Variants in ABI1 observed in about 807,000 individuals in gnomAD.
ABI1 encodes Abelson interactor 1.
In ABI1, 14 loss-of-function variants were observed where a neutral mutation model predicts 54.6. The ratio of observed to expected loss-of-function variants is 0.26; its 90% CI spans 0.17 to 0.40. The LOEUF is 0.40. ABI1 is among the 10% of genes least tolerant of loss of function. ABI1 has a pLI of 1.00. For synonymous variants in ABI1, 194 were observed against 209.3 expected, an observed-to-expected ratio of 0.93 and a Z score of 0.63; for missense variants, 443 against 598.3, an observed-to-expected ratio of 0.74 and a Z score of 2.71.
chr10:26,824,581 C>T lies in ABI1; in HGVS notation c.118-1276G>A, dbSNP rs76385199. On this transcript the variant is annotated intron_variant, in intron 1 of 10. Coordinates refer to ENST00000376140, the MANE Select transcript of ABI1 (RefSeq NM_001012750.3). ...TCAAGGAATTTCTCTGTTACCATGA[C>T]TCCATGATCTCCAGAATATTGCTAA... is the stretch of plus-strand genomic sequence containing the variant. Among the ~76,000 whole-genome samples, 917 of 151,682 alleles carry T rather than the reference C, an allele frequency of 6.0e-3. 17 individuals are homozygous for T. The highest frequency in any genetic ancestry group is 0.033 in the East Asian group (169 of 5,144).
At chr10:26,787,628 A>G (rs1462805548) in intron 2 of ABI1, among the ~76,000 whole-genome samples, 1 of 152,220 alleles carries the variant, frequency 6.6e-6, no homozygotes, top group Non-Finnish European at 1.5e-5. Flanking sequence ...AACAGCATGC[A>G]TATGTTCACC....
At chr10:26,795,295 A>G (rs1844013732) in intron 2 of ABI1, among the ~76,000 whole-genome samples, 1 of 152,228 alleles carries the variant, frequency 6.6e-6, no homozygotes, top group South Asian at 2.1e-4. Context: ...AGACATCTCA[A>G]TGACAATATT....
At chr10:26,857,305 A>G (rs1032769806) in intron 1 of ABI1, among the ~76,000 whole-genome samples, 2 of 130,808 alleles carry the variant, frequency 1.5e-5, no homozygotes, top group African/African-American at 5.5e-5. Flanking sequence ...CAGGCAATAG[A>G]GCGAGACTCC....
intron 2 of ABI1, among the ~76,000 whole-genome samples, chr10:26,802,701 A>T (rs2046640360): frequency 6.6e-6 from 1 of 152,168 alleles, no homozygotes; most frequent in Non-Finnish European, 1.5e-5. Context: ...GGTGGGAGAG[A>T]TTACAACAAT....
intron 9 of ABI1, among the ~76,000 whole-genome samples, chr10:26,754,909 T>C (rs1254454116): frequency 1.3e-5 from 2 of 151,904 alleles, no homozygotes; most frequent in African/African-American, 4.8e-5. Flanking sequence ...AACTAGTCTA[T>C]CCTGATTAAA....
At chr10:26,765,363 T>C in intron 6 of ABI1, 45 bp from the exon 7 acceptor site, 11 of 1,403,854 alleles carry the variant, frequency 7.8e-6, no homozygotes, top group Non-Finnish European at 9.7e-6. Flanking sequence ...TCTAGAGACA[T>C]ATTTAAAAAA....
At chr10:26,809,531 C>A (rs2047091400) in intron 2 of ABI1, among the ~76,000 whole-genome samples, 1 of 151,840 alleles carries the variant, frequency 6.6e-6, no homozygotes, top group Admixed American at 6.6e-5. Context: ...GCACACCAAT[C>A]TAGGTGACAG....
At chr10:26,825,873 T>C (rs1398749816) in intron 1 of ABI1, among the ~76,000 whole-genome samples, 2 of 152,188 alleles carry the variant, frequency 1.3e-5, no homozygotes, top group Non-Finnish European at 2.9e-5. Flanking sequence ...TCTTGTGAGA[T>C]TGCAGCCACT....
chr10:26,821,331 C>T (rs554222764), intron 2 of ABI1, among the ~76,000 whole-genome samples: 3 of 149,924 alleles, frequency 2.0e-5, no homozygotes, highest in African/African-American at 7.4e-5. Flanking sequence ...GAATGGAAAT[C>T]AATGCAACAG....
At chr10:26,857,940 G>A (rs765953634) in intron 1 of ABI1, among the ~76,000 whole-genome samples, 5 of 151,764 alleles carry the variant, frequency 3.3e-5, no homozygotes, top group African/African-American at 4.8e-5. Context: ...CAACCTACTA[G>A]TTAAAAGTCA....
intron 3 of ABI1, among the ~76,000 whole-genome samples, chr10:26,773,196 T>C (rs1349965007): frequency 6.6e-6 from 1 of 151,084 alleles, no homozygotes; most frequent in Non-Finnish European, 1.5e-5. Flanking sequence ...TCATAGGCAC[T>C]AAATGTCTAA....
intron 1 of ABI1, among the ~76,000 whole-genome samples, chr10:26,832,451 G>A (rs2048746543): frequency 6.6e-6 from 1 of 152,026 alleles, no homozygotes; most frequent in African/African-American, 2.4e-5. Flanking sequence ...GGGAATGGTG[G>A]CGGGCGCCTG....
intron 2 of ABI1, among the ~76,000 whole-genome samples, chr10:26,815,850 G>A (rs2047528995): frequency 6.6e-6 from 1 of 152,156 alleles, no homozygotes; most frequent in Non-Finnish European, 1.5e-5. Flanking sequence ...GTTCAAAGCT[G>A]CAGTGAACTA....
chr10:26,843,446 T>C (rs2049688049), intron 1 of ABI1, among the ~76,000 whole-genome samples: 2 of 66,314 alleles, frequency 3.0e-5, no homozygotes, highest in African/African-American at 9.7e-5. Flanking sequence ...ATAGCAAGAC[T>C]CCGTCTCAAA....
At chr10:26,818,911 T>C (rs2047777622) in intron 2 of ABI1, among the ~76,000 whole-genome samples, 1 of 151,946 alleles carries the variant, frequency 6.6e-6, no homozygotes, top group African/African-American at 2.4e-5. Flanking sequence ...GAGAATTGCT[T>C]GCACGTGGGA....
At chr10:26,840,476 C>T (rs117598959) in intron 1 of ABI1, among the ~76,000 whole-genome samples, 1 of 152,300 alleles carries the variant, frequency 6.6e-6, no homozygotes, top group Non-Finnish European at 1.5e-5. Flanking sequence ...CTCACTTAAA[C>T]CAGCTTACAA....
intron 2 of ABI1, among the ~76,000 whole-genome samples, chr10:26,787,599 T>C (rs1588878031): frequency 6.7e-6 from 1 of 149,116 alleles, no homozygotes. Flanking sequence ...AGGGAACAGG[T>C]TTGGAACATT....
intron 1 of ABI1, among the ~76,000 whole-genome samples, chr10:26,852,966 G>A (rs1215779125): frequency 6.6e-6 from 1 of 152,006 alleles, no homozygotes; most frequent in Non-Finnish European, 1.5e-5. Flanking sequence ...ATAAACACGG[G>A]TTCACTACCA....
At chr10:26,821,570 G>T (rs767159230) in intron 2 of ABI1, among the ~76,000 whole-genome samples, 1 of 152,122 alleles carries the variant, frequency 6.6e-6, no homozygotes, top group Non-Finnish European at 1.5e-5. Context: ...GGCCAAGGTG[G>T]GTGGATCACT....
Sources: allele counts gnomAD v4.1 joint callset (sites outside exome capture counted in the v4.1 genomes callset), GRCh38; gene constraint gnomAD v4.1.1; transcripts MANE v1.5; gene names NCBI Gene and HGNC (gene_info 2026-07-23, HGNC 2026-07-21).